Variants in TMED10 observed in about 807,000 individuals in gnomAD.
TMED10 encodes transmembrane p24 trafficking protein 10.
A neutral mutation model predicts 23.1 loss-of-function variants in TMED10; 7 were observed. That is an observed-to-expected ratio of 0.30 (90% CI 0.17 to 0.57). The LOEUF is 0.57. Among genes scored for constraint, TMED10 ranks in the 20% least tolerant of loss-of-function variants. The pLI, the probability that TMED10 is intolerant of heterozygous loss-of-function variation, is 0.91. For synonymous variants in TMED10, 113 were observed against 106.9 expected (o/e 1.06, Z -0.35); for missense variants, 162 against 274.8 (o/e 0.59, Z 2.90).
At chr14:75,176,277 C>T in intron 1 of TMED10, 78 bp downstream of exon 1, 1 of 1,564,058 alleles carries the variant, frequency 6.4e-7, no homozygotes, top group South Asian at 1.1e-5. Flanking sequence ...TCCGCCGGCC[C>T]GACTCCCCCG....
At chr14:75,164,617 T>G (rs1896138666) in intron 1 of TMED10, among the ~76,000 whole-genome samples, 1 of 123,786 alleles carries the variant, frequency 8.1e-6, no homozygotes, top group Non-Finnish European at 1.6e-5. Context: ...GAGGCGGGGT[T>G]TTGTCATGTT....
chr14:75,139,150 C>A, intron 3 of TMED10: 1 of 453,096 alleles, frequency 2.2e-6, no homozygotes, highest in Non-Finnish European at 4.4e-6. Context: ...TCTTTCCACA[C>A]CTTTTCTTCT....
At chr14:75,169,236 A>C (rs1177736794) in intron 1 of TMED10, among the ~76,000 whole-genome samples, 1 of 152,230 alleles carries the variant, frequency 6.6e-6, no homozygotes, top group Non-Finnish European at 1.5e-5. Flanking sequence ...GAGATGGGCA[A>C]ATACACAACT....
chr14:75,174,481 C>T (rs1243582917), intron 1 of TMED10, among the ~76,000 whole-genome samples: 2 of 152,204 alleles, frequency 1.3e-5, no homozygotes, highest in East Asian at 3.9e-4. Flanking sequence ...TCCCTGAGTC[C>T]ATGAACATCC....
chr14:75,140,667 C>T (rs900441521), intron 3 of TMED10, among the ~76,000 whole-genome samples: 2 of 152,118 alleles, frequency 1.3e-5, no homozygotes, highest in Admixed American at 6.5e-5. Context: ...GAGATGGCAC[C>T]GCTGCACTCC....
At chr14:75,161,664 C>A in intron 1 of TMED10, among the ~76,000 whole-genome samples, 1 of 152,244 alleles carries the variant, frequency 6.6e-6, no homozygotes, top group African/African-American at 2.4e-5. Flanking sequence ...ATGACCTGAT[C>A]TAATGCAGAG....
At position 75,162,314 on chromosome 14, in the gene TMED10, G is replaced by T. The variant is rs189349258; in HGVS notation, c.226-10171C>A. The stretch of plus-strand genomic sequence containing the variant: ...AAAATCCAAAAAATACAAGAATGCG[G>T]GTATGTCAAAGGGACACAGGAACCT... On this transcript the variant is annotated intron_variant, in intron 1 of 4. Transcript: ENST00000303575. Among the ~76,000 whole-genome samples the T allele has an allele frequency of 3.9e-5, 6 of 152,146 alleles. No individual in the cohort carries two copies. In the East Asian group the frequency reaches 1.2e-3, roughly 29 times the overall value.
chr14:75,135,250 A>T (rs1244857584), intron 4 of TMED10, among the ~76,000 whole-genome samples: 1 of 152,064 alleles, frequency 6.6e-6, no homozygotes, highest in Non-Finnish European at 1.5e-5. Context: ...GGAGATCGAG[A>T]CCATCCTGGC....
chr14:75,169,402 G>A (rs866217088), intron 1 of TMED10, among the ~76,000 whole-genome samples: 17 of 152,298 alleles, frequency 1.1e-4, no homozygotes, highest in Non-Finnish European at 1.3e-4. Context: ...AGTGGCTCAC[G>A]CCTGTAATCC....
chr14:75,151,984 AGAGTT>A lies in TMED10; in HGVS notation c.337+43_337+47del, dbSNP rs1895960809. 2.0e-6 allele frequency: 3 copies of A among 1,477,620 alleles called. No homozygotes were observed. In the East Asian group the frequency reaches 6.8e-5, roughly 34 times the overall value. 91.5% of individuals were successfully genotyped at this position (1,477,620 alleles called of 1,614,324 possible). On this transcript the variant is annotated intron_variant, in intron 2 of 4. Transcript: ENST00000303575. ...AGTGCTGACTGTATTAAGGAGCATT[AGAGTT>A]GGAGAAGATTCTTAATCCAGAGAAA... is the stretch of plus-strand genomic sequence containing the variant.
At chr14:75,151,152 C>T (rs372484677) in intron 2 of TMED10, among the ~76,000 whole-genome samples, 120 of 148,212 alleles carry the variant, frequency 8.1e-4, no homozygotes, top group South Asian at 3.0e-3. Context: ...GTGATCCGCC[C>T]GCCTCGGCCT....
At chr14:75,144,901 C>T (rs1201934135) in intron 3 of TMED10, among the ~76,000 whole-genome samples, 1 of 152,210 alleles carries the variant, frequency 6.6e-6, no homozygotes, top group African/African-American at 2.4e-5. Flanking sequence ...TTGGGTGATC[C>T]ACCCACCTTG....
At chr14:75,165,981 G>C (rs1365003039) in intron 1 of TMED10, among the ~76,000 whole-genome samples, 1 of 151,314 alleles carries the variant, frequency 6.6e-6, no homozygotes, top group Non-Finnish European at 1.5e-5. Context: ...TGACTTGGGG[G>C]AGGAGTGGGG....
chr14:75,147,649 T>C lies in TMED10; in HGVS notation c.411+15A>G, dbSNP rs767806565. ...GCACACTGCTGCCTCCTCTGGCTGT[T>C]AGAGCAGGACATACCTCTTCGTAAT... On this transcript the variant is annotated intron_variant, in intron 3 of 4. Coordinates refer to ENST00000303575, the MANE Select transcript of TMED10 (RefSeq NM_006827.6). 9.8e-5 allele frequency: 158 copies of C among 1,613,716 alleles called. No individual in the cohort carries two copies. Among genetic ancestry groups the C allele is most frequent in the Non-Finnish European group, 1.2e-4 (143 of 1,179,752 alleles).
At chr14:75,135,738 T>A (rs768298582) in intron 4 of TMED10, 22 bp downstream of exon 4, 1 of 1,610,694 alleles carries the variant, frequency 6.2e-7, no homozygotes, top group Admixed American at 1.7e-5. Context: ...ACTTAAGAAG[T>A]AAGAGTCGCC....
rs889949546 is a variant in TMED10 at position 75,176,191 on chromosome 14, G to A, written c.225+164C>T. ...GGTGACCCGCCCCGCCCCGCGACAG[G>A]CAACCAGCGGGGTGAGGGGGCGGGC... On this transcript the variant is annotated intron_variant, in intron 1 of 4. Coordinates refer to ENST00000303575, the MANE Select transcript of TMED10 (RefSeq NM_006827.6). 55 of 831,222 alleles carry A rather than the reference G, an allele frequency of 6.6e-5. No individual in the cohort carries two copies. The African/African-American group carries it at 8.6e-4, about 13-fold the overall frequency. The allele number at this position is 831,222 out of a possible 1,614,324, so 51.5% of individuals were successfully genotyped here.
rs1290266516 is a variant in TMED10, at chr14:75,131,995, G to C, written c.*2890C>G. The C allele has an allele frequency of 6.6e-6, 1 of 152,606 alleles. No homozygotes were observed. Among genetic ancestry groups the C allele is most frequent in the African/African-American group, 2.4e-5 (1 of 41,444 alleles). 9.5% of individuals were successfully genotyped at this position (152,606 alleles called of 1,614,324 possible). A position where few individuals can be genotyped will look rare whatever the true frequency, so the allele number is the denominator to read the frequency against. ...TCACAAGAACATAACTAAGAGAGTA[G>C]CTTTCGTTGCTCCTAAAAAGGGGAA... On this transcript the variant is annotated 3_prime_UTR_variant, in exon 5 of 5. Coordinates refer to ENST00000303575, the MANE Select transcript of TMED10 (RefSeq NM_006827.6).
At chr14:75,149,376 A>G (rs1895928164) in intron 2 of TMED10, among the ~76,000 whole-genome samples, 2 of 152,136 alleles carry the variant, frequency 1.3e-5, no homozygotes, top group African/African-American at 4.8e-5. Context: ...CTGCCATGTT[A>G]TTGTGACACA....
At chr14:75,169,667 G>A (rs1004264639) in intron 1 of TMED10, among the ~76,000 whole-genome samples, 4 of 151,988 alleles carry the variant, frequency 2.6e-5, no homozygotes, top group African/African-American at 9.7e-5. Context: ...TCAAAAAAAA[G>A]ACTGCCTCAT....
Sources: allele counts gnomAD v4.1 joint callset (sites outside exome capture counted in the v4.1 genomes callset), GRCh38; gene constraint gnomAD v4.1.1; transcripts MANE v1.5; gene names NCBI Gene and HGNC (gene_info 2026-07-23, HGNC 2026-07-21).